SMYD2: variants seen among roughly 807,000 people sequenced by gnomAD.
SMYD2 encodes N-lysine methyltransferase SMYD2.
Under a neutral mutation model 59.1 loss-of-function variants are expected in SMYD2, and 53 were observed. The ratio of observed to expected loss-of-function variants is 0.90; its 90% CI spans 0.72 to 1.13. The LOEUF is 1.13. Ranked by LOEUF, SMYD2 falls within the 50% of genes most tolerant of loss-of-function variation. The pLI, the probability that SMYD2 is intolerant of heterozygous loss-of-function variation, is 0.00. For synonymous variants in SMYD2, 208 were observed against 198.8 expected, an observed-to-expected ratio of 1.05 and a Z score of -0.39; for missense variants, 494 against 544.7, an observed-to-expected ratio of 0.91 and a Z score of 0.93.
chr1:214,334,207 T>C lies in SMYD2; in HGVS notation c.1120T>C (p.Tyr374His). 6.2e-7 allele frequency: 1 copy of C among 1,613,802 alleles called. No individual in the cohort carries two copies. Among genetic ancestry groups the C allele is most frequent in the African/African-American group, 1.3e-5 (1 of 75,046 alleles). ...TCTCTTCTCTTGTTCTAGTAAGCAC[T>C]ATCCTTTGTACTCCCTCAACGTGGC... ...QKIIKPYSKH[Y>H]PLYSLNVASM... is the part of the protein sequence containing the mutation. The change falls in exon 11 of 12, where the codon TAT becomes CAT. Residue 374 changes from tyrosine to histidine, a missense_variant. Physicochemically the swap from Tyr to His is moderately conservative, Grantham distance 83. Coordinates refer to ENST00000366957, the MANE Select transcript of SMYD2 (RefSeq NM_020197.3).
chr1:214,317,945 G>T, intron 3 of SMYD2, 134 bp from the exon 4 acceptor site: 1 of 853,670 alleles, frequency 1.2e-6, no homozygotes, highest in Non-Finnish European at 1.9e-6. Flanking sequence ...TAGTGGTGGA[G>T]TCCTTGAGTA....
intron 11 of SMYD2, among the ~76,000 whole-genome samples, chr1:214,336,222 G>T (rs1657433530): frequency 6.6e-6 from 1 of 152,002 alleles, no homozygotes; most frequent in Admixed American, 6.6e-5. Flanking sequence ...GCTACCAGAT[G>T]GTCTTCTCCT....
At chr1:214,301,999 T>C (rs1329154857) in intron 1 of SMYD2, among the ~76,000 whole-genome samples, 3 of 152,168 alleles carry the variant, frequency 2.0e-5, no homozygotes, top group African/African-American at 7.2e-5. Context: ...GTCAGGGACA[T>C]TCGTGAGACT....
rs371760999 is a variant in SMYD2, at chr1:214,318,162, G to A, written c.409+23G>A. On this transcript the variant is annotated intron_variant, in intron 4 of 11. Coordinates refer to ENST00000366957, the MANE Select transcript of SMYD2 (RefSeq NM_020197.3). This position sits in a 1 kb window ranked among gnomAD's most constrained non-coding sequence, Gnocchi z 5.4. ...CACGTAAGTCTTTCTGTGACCAGCCGCGCAGTTCTCTCAGCCACAGATTTC... is the reference window on the plus strand; with the variant it reads ...CACGTAAGTCTTTCTGTGACCAGCCACGCAGTTCTCTCAGCCACAGATTTC... The A allele has an allele frequency of 2.5e-5, 41 of 1,610,326 alleles. No individual in the cohort carries two copies. Among genetic ancestry groups the A allele is most frequent in the South Asian group, 6.6e-5 (6 of 90,332 alleles).
intron 8 of SMYD2, among the ~76,000 whole-genome samples, chr1:214,330,698 A>G (rs558767844): frequency 9.1e-4 from 138 of 152,388 alleles, no homozygotes; most frequent in Non-Finnish European, 1.6e-3. Flanking sequence ...GTAAACACAT[A>G]TATCTGCCCA....
At chr1:214,286,630 G>T (rs936404424) in intron 1 of SMYD2, among the ~76,000 whole-genome samples, 1 of 151,226 alleles carries the variant, frequency 6.6e-6, no homozygotes, top group African/African-American at 2.4e-5. Context: ...AATTAGCCAG[G>T]TGTAGTATAG....
At chr1:214,288,938 CT>C (rs10660642) in intron 1 of SMYD2, among the ~76,000 whole-genome samples, 14 of 136,702 alleles carry the variant, frequency 1.0e-4, no homozygotes, top group Middle Eastern at 3.8e-3. Context: ...AGCCCATAGT[CT>C]TTTTTTTTTT....
intron 2 of SMYD2, among the ~76,000 whole-genome samples, chr1:214,309,465 A>G (rs1317096824): frequency 1.3e-5 from 2 of 152,182 alleles, no homozygotes; most frequent in African/African-American, 4.8e-5. Flanking sequence ...TTTCTAGGGT[A>G]TATTTCTTAA....
At chr1:214,303,097 TAGAGTA>T (rs1404640786) in intron 1 of SMYD2, among the ~76,000 whole-genome samples, 1 of 152,128 alleles carries the variant, frequency 6.6e-6, no homozygotes, top group Non-Finnish European at 1.5e-5. Flanking sequence ...GGTGGGTTAT[TAGAGTA>T]AGTTAAAAGC....
At chr1:214,314,666 T>G in intron 2 of SMYD2, 96 bp from the exon 3 acceptor site, 16 of 822,010 alleles carry the variant, frequency 1.9e-5, no homozygotes, top group Non-Finnish European at 3.0e-5. Context: ...ATATTTTACT[T>G]GACCTTAACT....
intron 7 of SMYD2, 119 bp from the exon 8 acceptor site, chr1:214,330,049 T>A (rs1657324825): frequency 3.4e-6 from 2 of 584,780 alleles, no homozygotes; most frequent in Non-Finnish European, 2.9e-6. Flanking sequence ...AGCGCATTCC[T>A]CCGCTGCAGC....
Position 214,281,335 on chromosome 1 carries a change from C to T in SMYD2, c.81C>T (p.Phe27=). 8 of 1,438,470 alleles carry T rather than the reference C, an allele frequency of 5.6e-6. No homozygotes were observed. Among genetic ancestry groups the T allele is most frequent in the Non-Finnish European group, 7.4e-6 (8 of 1,087,248 alleles). 89.1% of individuals were successfully genotyped at this position (1,438,470 alleles called of 1,614,324 possible). A position where few individuals can be genotyped will look rare whatever the true frequency, so the allele number is the denominator to read the frequency against. ...KGRGLRALQP[F]QVGDLLFSCP... ...GGGGGCTGCGGGCTCTGCAGCCCTTCCAGGTGGGGGACTTGCTGTTCTCCT... is the reference window on the plus strand; with the variant it reads ...GGGGGCTGCGGGCTCTGCAGCCCTTTCAGGTGGGGGACTTGCTGTTCTCCT... The change falls in exon 1 of 12, where the codon TTC becomes TTT. Residue 27 remains phenylalanine, a synonymous_variant. Coordinates refer to ENST00000366957, the MANE Select transcript of SMYD2 (RefSeq NM_020197.3).
At chr1:214,334,025 T>A in intron 10 of SMYD2, 175 bp from the exon 11 acceptor site, 1 of 537,870 alleles carries the variant, frequency 1.9e-6, no homozygotes, top group Non-Finnish European at 3.4e-6. Flanking sequence ...TCTGCAATGA[T>A]TCGGCAGGGT....
rs1272795054 is a variant in SMYD2, at chr1:214,336,691, TG to T, written c.1222-12del. ...GCTTCTAGGCTCTCATTGTTTGTCTTGCTTTTTCCTAGGCCATTGCAATCAT... is the reference window on the plus strand; with the variant it reads ...GCTTCTAGGCTCTCATTGTTTGTCTTCTTTTTCCTAGGCCATTGCAATCAT... On this transcript the variant is annotated splice_polypyrimidine_tract_variant and intron_variant, in intron 11 of 11. Coordinates refer to ENST00000366957, the MANE Select transcript of SMYD2 (RefSeq NM_020197.3). The T allele has an allele frequency of 6.2e-7, 1 of 1,613,062 alleles. No homozygotes were observed. Among genetic ancestry groups the T allele is most frequent in the East Asian group, 2.2e-5 (1 of 44,842 alleles).
chr1:214,313,123 A>G (rs949025667), intron 2 of SMYD2, among the ~76,000 whole-genome samples: 1 of 151,534 alleles, frequency 6.6e-6, no homozygotes. Context: ...CTGAGCATTT[A>G]TTTTTATTTT....
chr1:214,314,667 G>T lies in SMYD2; in HGVS notation c.238-95G>T. The T allele has an allele frequency of 3.6e-6, 3 of 827,854 alleles. No homozygotes were observed. The South Asian group carries it at 5.1e-5, about 14-fold the overall frequency. 51.3% of individuals were successfully genotyped at this position (827,854 alleles called of 1,614,324 possible). On this transcript the variant is annotated intron_variant, in intron 2 of 11. Coordinates refer to ENST00000366957, the MANE Select transcript of SMYD2 (RefSeq NM_020197.3). ...TTCCAAAAGGAAACATATTTTACTT[G>T]ACCTTAACTAGGGGGACTCACTGCA...
In SMYD2 at chr1:214,331,305, G is replaced by A. The variant is rs544683803; in HGVS notation, c.937+235G>A. 27 of 495,184 alleles carry A rather than the reference G, an allele frequency of 5.5e-5. 1 individual carries two copies. In the South Asian group the frequency reaches 6.0e-4, roughly 11 times the overall value. 30.7% of individuals were successfully genotyped at this position (495,184 alleles called of 1,614,324 possible). A position where few individuals can be genotyped will look rare whatever the true frequency, so the allele number is the denominator to read the frequency against. On this transcript the variant is annotated intron_variant, in intron 9 of 11. Transcript: ENST00000366957. ...GCTAGTTTGGCTGGGAGCCCCATGTGGTGGAGGACCATGAAGGACAGAGCC... is the reference window on the plus strand; with the variant it reads ...GCTAGTTTGGCTGGGAGCCCCATGTAGTGGAGGACCATGAAGGACAGAGCC...
intron 1 of SMYD2, among the ~76,000 whole-genome samples, chr1:214,300,206 C>G (rs1276224265): frequency 1.3e-5 from 2 of 152,130 alleles, no homozygotes; most frequent in African/African-American, 4.8e-5. Context: ...GTAAAATCTT[C>G]CCTAGAGCCA....
intron 1 of SMYD2, among the ~76,000 whole-genome samples, chr1:214,289,416 G>A (rs1157650857): frequency 2.0e-5 from 3 of 152,168 alleles, no homozygotes; most frequent in African/African-American, 7.2e-5. Flanking sequence ...TTAAAAGCAT[G>A]CTTTGTCTTC....
Sources: gnomAD v4.1 joint callset for allele counts (sites outside exome capture counted in the v4.1 genomes callset) on GRCh38, gnomAD v4.1.1 for gene constraint, Gnocchi (gnomAD v3.1) non-coding constraint, MANE v1.5 for transcripts, NCBI Gene and HGNC (gene_info 2026-07-23, HGNC 2026-07-21) for gene names.